Variants in INO80 observed in about 807,000 individuals in gnomAD.
The protein encoded by INO80 is chromatin-remodeling ATPase INO80.
In INO80, 20 loss-of-function variants were observed where a neutral mutation model predicts 203.4. That is an observed-to-expected ratio of 0.10 (90% CI 0.07 to 0.14). The LOEUF is 0.14. Ranked by LOEUF, INO80 falls within the 10% of genes least tolerant of loss-of-function variation. The pLI, the probability that INO80 is intolerant of heterozygous loss-of-function variation, is 1.00. For missense variants in INO80, 1,419 were observed against 1,914.4 expected (o/e 0.74, Z 4.83); for synonymous variants, 726 against 685.2 (o/e 1.06, Z -0.93).
chr15:41,069,588 T>G lies in INO80; in HGVS notation c.1764A>C (p.Arg588Ser). The change falls in exon 14 of 36, where the codon AGA becomes AGC. Residue 588 changes from arginine (R) to serine (S), a missense_variant. Arg to Ser is a moderately radical substitution (Grantham distance 110). Transcript: ENST00000648947. ...TATTTACCTTAAATTTAGGAACAAA[T>G]CTAGTAAACTCCTGGTGCCAATTGT... ...TLNNWHQEFT[R>S]FVPKFKVLPY... 1 of 1,599,258 alleles carries G rather than the reference T, an allele frequency of 6.3e-7. No individual in the cohort carries two copies. Among genetic ancestry groups the G allele is most frequent in the East Asian group, 2.2e-5 (1 of 44,678 alleles).
At chr15:41,085,684 G>T in intron 6 of INO80, 101 bp from the exon 7 acceptor site, 1 of 814,438 alleles carries the variant, frequency 1.2e-6, no homozygotes, top group Non-Finnish European at 2.0e-6. Context: ...TATTCCACCT[G>T]ACACTGACAA....
At chr15:41,089,468 G>A (rs1181046329) in intron 5 of INO80, among the ~76,000 whole-genome samples, 1 of 152,082 alleles carries the variant, frequency 6.6e-6, no homozygotes, top group Non-Finnish European at 1.5e-5. Flanking sequence ...TAGTCAGAAG[G>A]CGGCTGGGCG....
At chr15:40,985,869 C>T (rs1294388137) in intron 31 of INO80, among the ~76,000 whole-genome samples, 8 of 152,146 alleles carry the variant, frequency 5.3e-5, no homozygotes, top group African/African-American at 1.7e-4. Flanking sequence ...GATTGTGACA[C>T]TGTACTCCAG....
Position 41,030,590 on chromosome 15 carries a change from G to A in INO80, c.2908-2854C>T, listed in dbSNP as rs1489466389. 2.0e-5 allele frequency among the ~76,000 whole-genome samples: 3 copies of A among 152,050 alleles called. No individual in the cohort carries two copies. The East Asian group carries it at 5.8e-4, about 29-fold the overall frequency. ...TTGGCCAGGCTGGTCTTGAACTCCT[G>A]GCCACAAGTGATCCCCTCTCCTCAG... On this transcript the variant is annotated intron_variant, in intron 24 of 35. Coordinates refer to ENST00000648947, the MANE Select transcript of INO80 (RefSeq NM_017553.3).
At chr15:41,008,218 TATAC>T (rs1240527827) in intron 27 of INO80, among the ~76,000 whole-genome samples, 10 of 43,662 alleles carry the variant, frequency 2.3e-4, no homozygotes, top group South Asian at 2.8e-3. Flanking sequence ...ATGTGATATA[TATAC>T]ATACACACAC....
intron 35 of INO80, among the ~76,000 whole-genome samples, chr15:40,980,812 G>A (rs569213316): frequency 6.6e-6 from 1 of 152,082 alleles, no homozygotes; most frequent in Non-Finnish European, 1.5e-5. Context: ...CTTCTTTCTT[G>A]GAACATCAAG....
chr15:41,092,207 T>G, intron 4 of INO80, 25 bp from the exon 5 acceptor site: 2 of 1,557,536 alleles, frequency 1.3e-6, no homozygotes, highest in Non-Finnish European at 1.8e-6. Flanking sequence ...AATAGAAATG[T>G]ATCTTTTGCT....
chr15:41,099,412 A>G (rs1263237081), intron 1 of INO80, among the ~76,000 whole-genome samples: 1 of 152,044 alleles, frequency 6.6e-6, no homozygotes, highest in Non-Finnish European at 1.5e-5. Flanking sequence ...ACTGAACTGT[A>G]TATTTTATTT....
chr15:41,000,265 T>C (rs920297950), intron 28 of INO80, among the ~76,000 whole-genome samples: 4 of 152,130 alleles, frequency 2.6e-5, no homozygotes, highest in African/African-American at 9.7e-5. Flanking sequence ...TTTTTTTTGT[T>C]AATTCTTGAG....
In INO80 at chr15:40,980,542, G is replaced by A. The variant is rs1596227516; in HGVS notation, c.4454-102C>T. 7.4e-6 allele frequency: 6 copies of A among 812,586 alleles called. No individual in the cohort carries two copies. The East Asian group carries it at 1.6e-4, about 22-fold the overall frequency. 50.3% of individuals were successfully genotyped at this position (812,586 alleles called of 1,614,324 possible). ...CAGAGTCTGAGCTGGAGGAGAAGTG[G>A]TGGGCAATTCCTCCCTGCCACTCCT... On this transcript the variant is annotated intron_variant, in intron 35 of 35. Transcript: ENST00000648947.
In INO80 at chr15:40,980,324, C is replaced by T. The variant is rs1387437175; in HGVS notation, c.4570G>A (p.Val1524Ile). 6.2e-7 allele frequency: 1 copy of T among 1,614,044 alleles called. No individual in the cohort carries two copies. Among genetic ancestry groups the T allele is most frequent in the Non-Finnish European group, 8.5e-7 (1 of 1,180,028 alleles). The change falls in exon 36 of 36, where the codon GTT becomes ATT. Residue 1524 changes from valine (V) to isoleucine (I), a missense_variant. Val to Ile is a conservative substitution (Grantham distance 29). Transcript: ENST00000648947. Reference sequence around the variant, plus strand: ...TGGAGGTTCTTGGGATTCCCAGGAACATTATTTCCCTTGCTCAAAGGGGAA... The same window carrying T: ...TGGAGGTTCTTGGGATTCCCAGGAATATTATTTCCCTTGCTCAAAGGGGAA... ...LSSPLSKGNN[V>I]PGNPKNLHMT...
At chr15:41,094,794 A>G (rs1039985476) in intron 4 of INO80, among the ~76,000 whole-genome samples, 1 of 152,136 alleles carries the variant, frequency 6.6e-6, no homozygotes. Context: ...AAATACTCCA[A>G]AATCTCAAAG....
At position 41,059,945 on chromosome 15, in the gene INO80, T is replaced by C. The variant is rs372836526; in HGVS notation, c.1783-19A>G. 1.5e-5 allele frequency: 22 copies of C among 1,499,406 alleles called. No individual in the cohort carries two copies. The highest frequency in any genetic ancestry group is 1.9e-5 in the Non-Finnish European group (21 of 1,084,522). 92.9% of individuals were successfully genotyped at this position (1,499,406 alleles called of 1,614,324 possible). A position where few individuals can be genotyped will look rare whatever the true frequency, so the allele number is the denominator to read the frequency against. ...GTAGCACCTAGAAAAAGGGCCAATA[T>C]ATACATTACTTTCTATAGATGATCT... is the stretch of plus-strand genomic sequence containing the variant. On this transcript the variant is annotated intron_variant, in intron 14 of 35. Coordinates refer to ENST00000648947, the MANE Select transcript of INO80 (RefSeq NM_017553.3).
At chr15:41,031,475 GAGA>G (rs958228370) in intron 24 of INO80, among the ~76,000 whole-genome samples, 25 of 122,196 alleles carry the variant, frequency 2.0e-4, no homozygotes, top group African/African-American at 7.3e-4. Context: ...GAAGGAGGGA[GAGA>G]AGGAGAGAGG....
At chr15:40,997,676 C>T in intron 28 of INO80, 75 bp from the exon 29 acceptor site, 1 of 921,444 alleles carries the variant, frequency 1.1e-6, no homozygotes, top group Non-Finnish European at 1.8e-6. Context: ...AGAGAGATCT[C>T]TGAATACAGA....
intron 1 of INO80, among the ~76,000 whole-genome samples, chr15:41,102,274 A>T (rs2140685224): frequency 6.6e-6 from 1 of 152,300 alleles, no homozygotes; most frequent in East Asian, 1.9e-4. Context: ...CATACTGTGT[A>T]AGTTACTTTA....
At chr15:40,993,199 G>C (rs903832456) in intron 29 of INO80, among the ~76,000 whole-genome samples, 1 of 152,190 alleles carries the variant, frequency 6.6e-6, no homozygotes, top group Admixed American at 6.5e-5. Flanking sequence ...TGGCTGGCAG[G>C]ACGCTCTTTA....
intron 7 of INO80, among the ~76,000 whole-genome samples, chr15:41,082,691 C>G (rs932416813): frequency 1.3e-5 from 2 of 151,638 alleles, no homozygotes; most frequent in East Asian, 3.9e-4. Context: ...GTGACAAGAG[C>G]GAAACTCCGT....
At chr15:41,090,141 TA>T (rs1339370176) in intron 5 of INO80, among the ~76,000 whole-genome samples, 2 of 152,150 alleles carry the variant, frequency 1.3e-5, no homozygotes, top group East Asian at 3.8e-4. Flanking sequence ...ATATTTGCAA[TA>T]AGAAGAAATG....
Sources: gnomAD v4.1 joint callset for allele counts (sites outside exome capture counted in the v4.1 genomes callset) on GRCh38, gnomAD v4.1.1 for gene constraint, MANE v1.5 for transcripts, NCBI Gene and HGNC (gene_info 2026-07-23, HGNC 2026-07-21) for gene names.